The following SEMA3D variants were observed in gnomAD, a reference collection of about 807,000 sequenced individuals.
SEMA3D encodes the protein semaphorin-3D.
Under a neutral mutation model 100.1 loss-of-function variants are expected in SEMA3D, and 84 were observed. That is an observed-to-expected ratio of 0.84 (90% CI 0.70 to 1.01). The LOEUF (loss-of-function observed/expected upper bound fraction) is 1.01, where lower values mean the gene tolerates loss of function less well. SEMA3D is among the 50% of genes least tolerant of loss of function. The pLI is 0.00. For missense variants in SEMA3D, 875 were observed against 934.1 expected (o/e 0.94, Z 0.82); for synonymous variants, 312 against 320.7 (o/e 0.97, Z 0.29).
At chr7:85,172,554 T>C (rs1791113281) in intron 1 of SEMA3D, among the ~76,000 whole-genome samples, 1 of 152,006 alleles carries the variant, frequency 6.6e-6, no homozygotes, top group Non-Finnish European at 1.5e-5. Context: ...CTTTGCACAT[T>C]AGATTCCCTA....
intron 1 of SEMA3D, among the ~76,000 whole-genome samples, chr7:85,176,855 T>G (rs962187405): frequency 6.6e-6 from 1 of 152,048 alleles, no homozygotes; most frequent in Non-Finnish European, 1.5e-5. Flanking sequence ...TCATGTGATG[T>G]GTACAATGTT....
intron 4 of SEMA3D, among the ~76,000 whole-genome samples, chr7:85,086,938 T>C (rs1788234674): frequency 6.6e-6 from 1 of 152,166 alleles, no homozygotes; most frequent in Admixed American, 6.5e-5. Context: ...ATGTCCACAT[T>C]ATCTATTAAA....
At chr7:85,015,694 A>C (rs1048070851) in intron 15 of SEMA3D, among the ~76,000 whole-genome samples, 5 of 151,820 alleles carry the variant, frequency 3.3e-5, no homozygotes, top group Non-Finnish European at 7.4e-5. Context: ...TCCTTGAAAG[A>C]ATGTGAGTTA....
Position 85,169,736 on chromosome 7 carries a change from G to T in SEMA3D, c.-172-15997C>A, listed in dbSNP as rs112143786. Among the ~76,000 whole-genome samples, 1,149 of 151,578 alleles carry T rather than the reference G, an allele frequency of 7.6e-3. 14 individuals carry two copies. Among genetic ancestry groups the T allele is most frequent in the African/African-American group, 0.027 (1,100 of 41,430 alleles). On this transcript the variant is annotated intron_variant, in intron 1 of 18. Coordinates refer to ENST00000284136, the MANE Select transcript of SEMA3D (RefSeq NM_001384900.1). Reference sequence around the variant, plus strand: ...TTTTACTGATGCTACATACAACTCAGGATTTTAGATTCTTTTTTCAAAACT... The same window carrying T: ...TTTTACTGATGCTACATACAACTCATGATTTTAGATTCTTTTTTCAAAACT...
intron 8 of SEMA3D, among the ~76,000 whole-genome samples, chr7:85,057,381 A>G (rs1791350948): frequency 6.6e-6 from 1 of 152,186 alleles, no homozygotes; most frequent in Non-Finnish European, 1.5e-5. Flanking sequence ...CTTCAATTAG[A>G]AAATATGTGG....
chr7:85,060,456 T>A (rs1791441139), intron 8 of SEMA3D, among the ~76,000 whole-genome samples: 1 of 152,152 alleles, frequency 6.6e-6, no homozygotes, highest in Non-Finnish European at 1.5e-5. Flanking sequence ...AGTGCATACT[T>A]GATCAATTAA....
At chr7:85,072,808 A>G (rs1242914621) in intron 6 of SEMA3D, among the ~76,000 whole-genome samples, 154 bp downstream of exon 6, 1 of 152,148 alleles carries the variant, frequency 6.6e-6, no homozygotes, top group Non-Finnish European at 1.5e-5. Context: ...CTCTGACTTC[A>G]TCCTCCTGAG....
At chr7:85,044,159 A>G (rs1039768520) in intron 9 of SEMA3D, among the ~76,000 whole-genome samples, 2 of 152,098 alleles carry the variant, frequency 1.3e-5, no homozygotes, top group Non-Finnish European at 2.9e-5. Flanking sequence ...CTGAATATCT[A>G]GAAACTTTCT....
intron 17 of SEMA3D, 149 bp from the exon 18 acceptor site, chr7:85,007,090 A>G (rs1247512638): frequency 1.9e-6 from 1 of 518,180 alleles, no homozygotes; most frequent in Non-Finnish European, 3.2e-6. Context: ...TTGTTACCTG[A>G]GACAAATATT....
At chr7:85,195,092 TC>T in the SEMA3D span, among the ~76,000 whole-genome samples, 36 of 152,168 alleles carry the variant, frequency 2.4e-4, 1 homozygote, top group Non-Finnish European at 1.5e-4. Context: ...TTTTCTTTCT[TC>T]CATTGGCATA....
chr7:85,087,235 A>G (rs1325959787), intron 4 of SEMA3D, among the ~76,000 whole-genome samples: 1 of 152,228 alleles, frequency 6.6e-6, no homozygotes, highest in Non-Finnish European at 1.5e-5. Flanking sequence ...AGAAACAGAG[A>G]TGCCATTGCC....
At chr7:85,228,488 T>C in the SEMA3D span, among the ~76,000 whole-genome samples, 5 of 152,102 alleles carry the variant, frequency 3.3e-5, no homozygotes, top group African/African-American at 9.7e-5. Context: ...TGGTACACAG[T>C]GGTCTAATAT....
At chr7:85,153,982 C>G (rs1790507276) in intron 1 of SEMA3D, among the ~76,000 whole-genome samples, 1 of 152,136 alleles carries the variant, frequency 6.6e-6, no homozygotes, top group South Asian at 2.1e-4. Flanking sequence ...TTTACTCAGT[C>G]TACCAATTCA....
intron 1 of SEMA3D, among the ~76,000 whole-genome samples, chr7:85,165,277 T>TA (rs5885454): frequency 3.0e-4 from 45 of 149,630 alleles, no homozygotes; most frequent in Middle Eastern, 3.5e-3. Context: ...AATTAAATGG[T>TA]AAAAAAAAAA....
Position 85,055,922 on chromosome 7 carries a change from T to G in SEMA3D, c.719-63A>C, listed in dbSNP as rs1791305811. 6.5e-6 allele frequency: 6 copies of G among 922,388 alleles called. No homozygotes were observed. The South Asian group carries it at 8.1e-5, about 12-fold the overall frequency. The allele number at this position is 922,388 out of a possible 1,614,324, so 57.1% of individuals were successfully genotyped here. On this transcript the variant is annotated intron_variant, in intron 8 of 18. Transcript: ENST00000284136. ...AAACAATCCAGTCATCATAGTTTGA[T>G]GATATTTCCACGTAAAAGCAATTAG...
intron 12 of SEMA3D, among the ~76,000 whole-genome samples, chr7:85,025,898 T>A (rs1229455061): frequency 6.6e-6 from 1 of 152,032 alleles, no homozygotes; most frequent in Non-Finnish European, 1.5e-5. Context: ...TCTTTAAGGT[T>A]CCCTTTCTCT....
At chr7:85,191,088 G>A (rs541021799), upstream of SEMA3D, among the ~76,000 whole-genome samples, 59 of 152,222 alleles carry the variant, frequency 3.9e-4, no homozygotes, top group South Asian at 8.1e-3. Context: ...CTGGGTTGGG[G>A]TGTGGTGAAT....
At chr7:85,085,246 A>G (rs1347402456) in intron 4 of SEMA3D, among the ~76,000 whole-genome samples, 1 of 152,196 alleles carries the variant, frequency 6.6e-6, no homozygotes, top group African/African-American at 2.4e-5. Context: ...AATGTAGGAA[A>G]CAAAAAAATA....
rs548779216 is a variant in SEMA3D, at chr7:85,067,485, C to A, written c.589+706G>T. 2.6e-4 allele frequency among the ~76,000 whole-genome samples: 39 copies of A among 152,276 alleles called. No homozygotes were observed. The South Asian group carries it at 4.1e-3, about 16-fold the overall frequency. On this transcript the variant is annotated intron_variant, in intron 7 of 18. Transcript: ENST00000284136. ...AATTAAAATGTCATGGTGCTTCACTCTTATCGTCTATTCAAACATTTGACA... is the reference window on the plus strand; with the variant it reads ...AATTAAAATGTCATGGTGCTTCACTATTATCGTCTATTCAAACATTTGACA...
Sources: gnomAD v4.1 joint callset for allele counts (sites outside exome capture counted in the v4.1 genomes callset) on GRCh38, gnomAD v4.1.1 for gene constraint, MANE v1.5 for transcripts, NCBI Gene and HGNC (gene_info 2026-07-23, HGNC 2026-07-21) for gene names.